CSMD1: variants seen among roughly 807,000 people sequenced by gnomAD.
The protein encoded by CSMD1 is CUB and Sushi multiple domains 1.
A neutral mutation model predicts 417.5 loss-of-function variants in CSMD1; 213 were observed. That is an observed-to-expected ratio of 0.51 (90% confidence interval 0.46 to 0.57). CSMD1 has a LOEUF of 0.57. Among genes scored for constraint, CSMD1 ranks in the 20% least tolerant of loss-of-function variants. CSMD1 has a pLI of 0.00. For synonymous variants in CSMD1, 2,862 were observed against 1,736.8 expected (o/e 1.65, Z -16.11); for missense variants, 6,923 against 4,529.7 (o/e 1.53, Z -15.17).
At chr8:4,359,324 C>T (rs894587813) in intron 3 of CSMD1, among the ~76,000 whole-genome samples, 2 of 151,940 alleles carry the variant, frequency 1.3e-5, no homozygotes, top group Non-Finnish European at 2.9e-5. Flanking sequence ...TGTGCAGGGG[C>T]CAAATAGGTA....
chr8:3,903,054 T>A (rs1441528088), intron 5 of CSMD1, among the ~76,000 whole-genome samples: 1 of 152,162 alleles, frequency 6.6e-6, no homozygotes, highest in East Asian at 1.9e-4. Context: ...GCTGACCACC[T>A]GGATTGGATA....
chr8:4,916,587 G>C (rs1806081306), intron 1 of CSMD1, among the ~76,000 whole-genome samples: 1 of 152,196 alleles, frequency 6.6e-6, no homozygotes, highest in South Asian at 2.1e-4. Flanking sequence ...ATAAATGTAA[G>C]TTGAAAATAT....
intron 3 of CSMD1, among the ~76,000 whole-genome samples, chr8:4,325,750 T>C (rs1478254713): frequency 6.6e-6 from 1 of 152,168 alleles, no homozygotes; most frequent in Non-Finnish European, 1.5e-5. Flanking sequence ...GTGAATGTTA[T>C]TCCTGTTGCA....
intron 29 of CSMD1, among the ~76,000 whole-genome samples, chr8:3,215,470 G>C (rs765774375): frequency 6.6e-6 from 1 of 152,138 alleles, no homozygotes; most frequent in Non-Finnish European, 1.5e-5. Context: ...GGACACCTCT[G>C]CCAGGAAAGG....
chr8:3,572,316 C>T (rs903099150), intron 10 of CSMD1, among the ~76,000 whole-genome samples: 2 of 152,096 alleles, frequency 1.3e-5, no homozygotes, highest in Non-Finnish European at 2.9e-5. Context: ...CTTCAGGGAG[C>T]AGTTGAGGGA....
In CSMD1 at chr8:3,080,765, C is replaced by T. The variant is rs368052773; in HGVS notation, c.7474+6332G>A. 1.2e-4 allele frequency among the ~76,000 whole-genome samples: 19 copies of T among 152,222 alleles called. No homozygotes were observed. In the South Asian group the frequency reaches 2.1e-3, roughly 17 times the overall value. On this transcript the variant is annotated intron_variant, in intron 49 of 69. Coordinates refer to ENST00000635120, the MANE Select transcript of CSMD1 (RefSeq NM_033225.6). ...TTGAATCCTCTCAATAATTCTGGGA[C>T]GTAGATATCAAAATCTCTATTTTAC...
chr8:3,044,937 A>G (rs886146895), intron 50 of CSMD1, among the ~76,000 whole-genome samples: 5 of 152,206 alleles, frequency 3.3e-5, no homozygotes, highest in Non-Finnish European at 7.3e-5. Context: ...ATTTAATGGT[A>G]ACCAAATTTT....
intron 20 of CSMD1, among the ~76,000 whole-genome samples, chr8:3,360,410 G>A (rs1809083315): frequency 6.6e-6 from 1 of 152,172 alleles, no homozygotes; most frequent in South Asian, 2.1e-4. Flanking sequence ...CCAGCCTCTT[G>A]GTCCATTATC....
At chr8:4,984,897 G>A (rs1004785587) in intron 1 of CSMD1, among the ~76,000 whole-genome samples, 15 of 152,154 alleles carry the variant, frequency 9.9e-5, no homozygotes, top group Admixed American at 2.0e-4. Flanking sequence ...TGATATATGT[G>A]CTAGCATGCA....
chr8:3,988,482 C>G (rs540377999), intron 5 of CSMD1, among the ~76,000 whole-genome samples: 2 of 152,306 alleles, frequency 1.3e-5, no homozygotes, highest in East Asian at 3.9e-4. Flanking sequence ...GGCTCTGGAG[C>G]ACGGAACAGC....
intron 37 of CSMD1, among the ~76,000 whole-genome samples, chr8:3,163,790 T>C (rs989232878): frequency 2.6e-5 from 4 of 152,130 alleles, no homozygotes; most frequent in African/African-American, 9.7e-5. Context: ...CATCCCTGCA[T>C]GGCTGTCACT....
At chr8:3,456,800 G>A (rs6997447) in intron 12 of CSMD1, among the ~76,000 whole-genome samples, 2 of 151,900 alleles carry the variant, frequency 1.3e-5, no homozygotes, top group East Asian at 2.0e-4. Context: ...TATAGATGAG[G>A]CTACTAAAGG....
intron 39 of CSMD1, among the ~76,000 whole-genome samples, chr8:3,156,053 C>A (rs1024394161): frequency 1.3e-5 from 2 of 152,228 alleles, no homozygotes; most frequent in Non-Finnish European, 1.5e-5. Flanking sequence ...CCTCGCTTTA[C>A]TTGTGGGTGC....
intron 3 of CSMD1, among the ~76,000 whole-genome samples, chr8:4,126,812 T>G (rs540748703): frequency 3.9e-5 from 6 of 152,256 alleles, no homozygotes; most frequent in African/African-American, 1.2e-4. Context: ...TGTCCTAACC[T>G]GGGGTAGGAG....
chr8:3,573,647 G>A (rs1163308577), intron 10 of CSMD1, among the ~76,000 whole-genome samples: 3 of 152,126 alleles, frequency 2.0e-5, no homozygotes, highest in Non-Finnish European at 4.4e-5. Context: ...TCTAAAATCA[G>A]AACATTTCTC....
chr8:3,268,730 G>T (rs538954766), intron 26 of CSMD1, among the ~76,000 whole-genome samples: 2 of 152,212 alleles, frequency 1.3e-5, no homozygotes, highest in South Asian at 2.1e-4. Flanking sequence ...TCTCCATGGG[G>T]TACTGTTGTC....
intron 5 of CSMD1, among the ~76,000 whole-genome samples, chr8:3,809,355 G>T (rs1223103253): frequency 3.3e-5 from 5 of 152,150 alleles, no homozygotes; most frequent in African/African-American, 9.7e-5. Flanking sequence ...TTACGCACTT[G>T]TTTATCACTG....
chr8:3,691,985 A>G (rs1454312502), intron 7 of CSMD1, among the ~76,000 whole-genome samples: 1 of 152,186 alleles, frequency 6.6e-6, no homozygotes, highest in East Asian at 1.9e-4. Flanking sequence ...GTCTTTGTCC[A>G]GCTCATGAGA....
chr8:3,987,570 A>T (rs985941079), intron 5 of CSMD1, among the ~76,000 whole-genome samples: 2 of 152,158 alleles, frequency 1.3e-5, no homozygotes, highest in African/African-American at 4.8e-5. Context: ...GGGGAGGAAC[A>T]CCATTTTTAA....
Sources: allele counts gnomAD v4.1 joint callset (sites outside exome capture counted in the v4.1 genomes callset), GRCh38; gene constraint gnomAD v4.1.1; transcripts MANE v1.5; gene names NCBI Gene and HGNC (gene_info 2026-07-23, HGNC 2026-07-21).